The following SP3 variants were observed in gnomAD, a reference collection of about 807,000 sequenced individuals.
SP3 encodes transcription factor Sp3.
In SP3, 10 loss-of-function variants were observed where a neutral mutation model predicts 70.3. The observed-to-expected ratio is 0.14, with a 90% CI of 0.09 to 0.24. SP3 has a LOEUF of 0.24. Among genes scored for constraint, SP3 ranks in the 10% least tolerant of loss-of-function variants. The probability of loss-of-function intolerance (pLI) is 1.00; values close to 1 mark genes in which losing one functional copy is unlikely to be tolerated. For missense variants in SP3, 825 were observed against 914.6 expected, an observed-to-expected ratio of 0.90 and a Z score of 1.26; for synonymous variants, 402 against 333.5, an observed-to-expected ratio of 1.21 and a Z score of -2.24.
At position 173,965,369 on chromosome 2, in the gene SP3, G is replaced by C; in HGVS notation, c.-198C>G. The C allele has an allele frequency of 1.7e-6, 1 of 604,482 alleles. No individual in the cohort carries two copies. Among genetic ancestry groups the C allele is most frequent in the East Asian group, 3.1e-5 (1 of 32,510 alleles). 37.4% of individuals were successfully genotyped at this position (604,482 alleles called of 1,614,324 possible). ...CTCCAGCCCAAAAGGGGGGAAGAGGGTGACAGCCCGCCCGGAACTCCCGCC... is the reference window on the plus strand; with the variant it reads ...CTCCAGCCCAAAAGGGGGGAAGAGGCTGACAGCCCGCCCGGAACTCCCGCC... On this transcript the variant is annotated 5_prime_UTR_variant, in exon 1 of 7. Transcript: ENST00000310015.
rs547837981 is a variant in SP3, at chr2:173,906,580, T to C, written c.*3361A>G. 6.6e-6 allele frequency: 1 copy of C among 152,362 alleles called. No homozygotes were observed. The highest frequency in any genetic ancestry group is 2.1e-4 in the South Asian group (1 of 4,834). The allele number at this position is 152,362 out of a possible 1,614,324, so 9.4% of individuals were successfully genotyped here. On this transcript the variant is annotated 3_prime_UTR_variant, in exon 7 of 7. Transcript: ENST00000310015. ...TAACAGGTAGCATAACATGTCAGTT[T>C]ATATTATTTTAAAACCAAATGTTAT...
In SP3 at chr2:173,930,122, C is replaced by G. The variant is rs567066857; in HGVS notation, c.1640-11337G>C. Among the ~76,000 whole-genome samples, 10 of 152,294 alleles carry G rather than the reference C, an allele frequency of 6.6e-5. No homozygotes were observed. In the South Asian group the frequency reaches 2.1e-3, roughly 32 times the overall value. ...TCCCTAACCCAACTGAAAAGCAATT[C>G]CCTCTCAAGTTGGCCTTTACTCTGA... On this transcript the variant is annotated intron_variant, in intron 4 of 6. Coordinates refer to ENST00000310015, the MANE Select transcript of SP3 (RefSeq NM_003111.5).
rs1396666427 is a variant in SP3, at chr2:173,903,384, G to T, written c.*6557C>A. On this transcript the variant is annotated 3_prime_UTR_variant, in exon 7 of 7. Coordinates refer to ENST00000310015, the MANE Select transcript of SP3 (RefSeq NM_003111.5). ...CATAGGTGGTAAGCGGCAGAACTGG[G>T]AGACAAGCAAGCCCATGTGTGTCTA... is the stretch of plus-strand genomic sequence containing the variant. 2.0e-5 allele frequency among the ~76,000 whole-genome samples: 3 copies of T among 152,204 alleles called. No homozygotes were observed.
chr2:173,922,310 T>C (rs1203007678), intron 4 of SP3, among the ~76,000 whole-genome samples: 1 of 151,640 alleles, frequency 6.6e-6, no homozygotes, highest in African/African-American at 2.4e-5. Context: ...TTTTAAATCC[T>C]GAGCAACTAG....
chr2:173,924,168 C>G (rs1689842948), intron 4 of SP3, among the ~76,000 whole-genome samples: 1 of 152,158 alleles, frequency 6.6e-6, no homozygotes, highest in Non-Finnish European at 1.5e-5. Context: ...AATGCCATCT[C>G]CTTAGATTTG....
Position 173,910,051 on chromosome 2 carries a change from A to T in SP3, c.2236T>A (p.Ser746Thr), listed in dbSNP as rs777854788. ...ILANIQQGSV[S>T]GIGTVNTSAT... ...GAAGTATTAACAGTTCCTATCCCTG[A>T]AACAGAACCTTGTTGAATATTTGCA... is the stretch of plus-strand genomic sequence containing the variant. Residue 746 changes from serine to threonine, a missense_variant, in exon 7 of 7, where the codon TCA becomes ACA. Ser to Thr is a moderately conservative substitution (Grantham distance 58, BLOSUM62 1). Around this residue, in one of 4 missense-constraint regions of SP3, gnomAD observed 91 missense variants for 97.4 expected, o/e 0.93. Transcript: ENST00000310015. 6.2e-7 allele frequency: 1 copy of T among 1,613,192 alleles called. No individual in the cohort carries two copies. The highest frequency in any genetic ancestry group is 8.5e-7 in the Non-Finnish European group (1 of 1,179,622).
Position 173,954,823 on chromosome 2 carries a change from T to C in SP3, c.1639+50A>G, listed in dbSNP as rs758013501. ...ATACCTAAAGCAAAAAATTTCCCTC[T>C]ATGTATTATCACTGAACTTATTTAT... On this transcript the variant is annotated intron_variant, in intron 4 of 6. Transcript: ENST00000310015. The C allele has an allele frequency of 5.1e-6, 8 of 1,555,094 alleles. No homozygotes were observed. The South Asian group carries it at 9.6e-5, about 19-fold the overall frequency.
chr2:173,942,585 A>G (rs1266756007), intron 4 of SP3, among the ~76,000 whole-genome samples: 1 of 152,162 alleles, frequency 6.6e-6, no homozygotes, highest in Non-Finnish European at 1.5e-5. Context: ...TCATCGAGTC[A>G]TATCTGTATA....
chr2:173,925,245 T>C (rs1171290559), intron 4 of SP3, among the ~76,000 whole-genome samples: 1 of 152,230 alleles, frequency 6.6e-6, no homozygotes, highest in Non-Finnish European at 1.5e-5. Flanking sequence ...ATATAGTATG[T>C]GTATGTAGCA....
intron 4 of SP3, among the ~76,000 whole-genome samples, chr2:173,941,602 AAAAAG>A (rs1187091056): frequency 1.5e-4 from 23 of 152,320 alleles, no homozygotes; most frequent in Non-Finnish European, 2.4e-4. Flanking sequence ...CCTGCCTAAA[AAAAAG>A]AAAAGAAAGG....
In SP3 at chr2:173,965,224, G is replaced by A. The variant is rs1004644494; in HGVS notation, c.-53C>T. 121 of 1,541,524 alleles carry A rather than the reference G, an allele frequency of 7.8e-5. No homozygotes were observed. The highest frequency in any genetic ancestry group is 1.0e-4 in the Non-Finnish European group (116 of 1,141,742). On this transcript the variant is annotated 5_prime_UTR_variant, in exon 1 of 7. Transcript: ENST00000310015. ...CTCCCCGCCGCCTTACACATGGTGA[G>A]GAGCGAAGGCGGCGGCGGCGGGAGA...
chr2:173,958,246 A>G (rs1018611233), intron 3 of SP3, among the ~76,000 whole-genome samples: 1 of 150,928 alleles, frequency 6.6e-6, no homozygotes, highest in Admixed American at 6.7e-5. Context: ...AAAAAAACAA[A>G]GTCAAATTTA....
chr2:173,917,798 T>C (rs768750386), intron 5 of SP3, among the ~76,000 whole-genome samples: 3 of 152,102 alleles, frequency 2.0e-5, no homozygotes, highest in Non-Finnish European at 4.4e-5. Context: ...TTTAATATTA[T>C]TAACAAGAAA....
At position 173,913,598 on chromosome 2, in the gene SP3, C is replaced by T. The variant is rs559842555; in HGVS notation, c.1833-332G>A. On this transcript the variant is annotated intron_variant, in intron 5 of 6. Transcript: ENST00000310015. ...CTATCAGAACCATTCACAAATTCTA[C>T]GCATAAGCCTGATCCACTTAATTAT... 4.3e-5 allele frequency: 7 copies of T among 162,488 alleles called. 1 individual carries two copies. Among genetic ancestry groups the T allele is most frequent in the South Asian group, 2.0e-4 (1 of 5,104 alleles). The allele number at this position is 162,488 out of a possible 1,614,324, so 10.1% of individuals were successfully genotyped here.
rs1393571949 is a variant in SP3, at chr2:173,908,107, C to T, written c.*1834G>A. ...TGCCTTTATAATGATGAAACACATG[C>T]AAATTCAAAGGCAACTTTTTCAAGT... is the stretch of plus-strand genomic sequence containing the variant. On this transcript the variant is annotated 3_prime_UTR_variant, in exon 7 of 7. Transcript: ENST00000310015. The T allele has an allele frequency of 6.6e-6, 1 of 151,244 alleles. No homozygotes were observed. Among genetic ancestry groups the T allele is most frequent in the African/African-American group, 2.4e-5 (1 of 41,144 alleles). 9.4% of individuals were successfully genotyped at this position (151,244 alleles called of 1,614,324 possible). A position where few individuals can be genotyped will look rare whatever the true frequency, so the allele number is the denominator to read the frequency against.
chr2:173,909,266 TAAC>T lies in SP3; in HGVS notation c.*672_*674del, dbSNP rs1689410000. The T allele has an allele frequency of 6.6e-6, 1 of 152,528 alleles. No homozygotes were observed. Among genetic ancestry groups the T allele is most frequent in the African/African-American group, 2.4e-5 (1 of 41,462 alleles). The allele number at this position is 152,528 out of a possible 1,614,324, so 9.4% of individuals were successfully genotyped here. A position where few individuals can be genotyped will look rare whatever the true frequency, so the allele number is the denominator to read the frequency against. On this transcript the variant is annotated 3_prime_UTR_variant, in exon 7 of 7. Coordinates refer to ENST00000310015, the MANE Select transcript of SP3 (RefSeq NM_003111.5). ...CCCAACTTCGTTATTGAAAGAATAT[TAAC>T]AAGACATTATTTTGGCAAATTAAAT...
chr2:173,952,772 C>G (rs75932690), intron 4 of SP3, among the ~76,000 whole-genome samples: 10,759 of 152,162 alleles, frequency 0.071, 569 homozygotes, highest in African/African-American at 0.14. Flanking sequence ...ACCTTGAAAA[C>G]ATCATGCTAA....
chr2:173,918,464 C>T (rs944526408), intron 5 of SP3, 129 bp downstream of exon 5: 53 of 890,186 alleles, frequency 6.0e-5, no homozygotes, highest in Non-Finnish European at 3.4e-5. Context: ...TTCTGCCACA[C>T]GCATACACAC....
intron 4 of SP3, among the ~76,000 whole-genome samples, chr2:173,921,097 T>C (rs1405775607): frequency 6.6e-6 from 1 of 152,180 alleles, no homozygotes; most frequent in African/African-American, 2.4e-5. Flanking sequence ...ATCTCTACAT[T>C]TTCTGAATGC....
Sources: gnomAD v4.1 joint callset for allele counts (sites outside exome capture counted in the v4.1 genomes callset) on GRCh38, gnomAD v4.1.1 for gene constraint, gnomAD v4.1.1 regional missense constraint, MANE v1.5 for transcripts, NCBI Gene and HGNC (gene_info 2026-07-23, HGNC 2026-07-21) for gene names.